Variants in BCL2L1 observed in about 807,000 individuals in gnomAD.
BCL2L1 encodes bcl-2-like protein 1.
In BCL2L1, 1 loss-of-function variant was observed where a neutral mutation model predicts 18.7. The ratio of observed to expected loss-of-function variants is 0.05; its 90% CI spans 0.02 to 0.25. The LOEUF (loss-of-function observed/expected upper bound fraction) is 0.25, where lower values mean the gene tolerates loss of function less well. Ranked by LOEUF, BCL2L1 falls within the 10% of genes least tolerant of loss-of-function variation. BCL2L1 has a pLI of 1.00. For synonymous variants in BCL2L1, 103 were observed against 122.7 expected (o/e 0.84, Z 1.06); for missense variants, 207 against 304.9 (o/e 0.68, Z 2.39).
At chr20:31,676,428 C>T (rs1420025005) in intron 2 of BCL2L1, among the ~76,000 whole-genome samples, 3 of 152,170 alleles carry the variant, frequency 2.0e-5, no homozygotes, top group African/African-American at 7.2e-5. Context: ...CAGTCTGTCT[C>T]CAGAGTCCAA....
chr20:31,721,643 C>A lies in BCL2L1; in HGVS notation c.564+12G>T. Reference sequence around the variant, plus strand: ...CCAAAGAAAAGGGACACACAAGGGGCTTGGTTCTTACCCAGCCGCCGTTCT... The same window carrying A: ...CCAAAGAAAAGGGACACACAAGGGGATTGGTTCTTACCCAGCCGCCGTTCT... On this transcript the variant is annotated intron_variant, in intron 2 of 2. Coordinates refer to ENST00000307677, the MANE Select transcript of BCL2L1 (RefSeq NM_138578.3). 6.3e-7 allele frequency: 1 copy of A among 1,587,856 alleles called. No individual in the cohort carries two copies. The highest frequency in any genetic ancestry group is 8.6e-7 in the Non-Finnish European group (1 of 1,165,644).
In BCL2L1 at chr20:31,683,769, CAAAAAAAAAAAAAAAAAAAAA is replaced by C. The variant is rs372160646; in HGVS notation, c.565-17704_565-17684del. Among the ~76,000 whole-genome samples the C allele has an allele frequency of 1.9e-4, 15 of 80,716 alleles. No homozygotes were observed. The East Asian group carries it at 9.3e-3, about 50-fold the overall frequency. The allele number at this position is 80,716 out of a possible 152,430, so 53.0% of individuals were successfully genotyped here. On this transcript the variant is annotated intron_variant, in intron 2 of 2. Transcript: ENST00000307677. ...GGGCAACAAGAGTGAAACTCCATCTCAAAAAAAAAAAAAAAAAAAAAAAAAAAAAAAAAAAAAAGAATGTGA... is the reference window on the plus strand; with the variant it reads ...GGGCAACAAGAGTGAAACTCCATCTCAAAAAAAAAAAAAAAAAGAATGTGA...
intron 2 of BCL2L1, among the ~76,000 whole-genome samples, chr20:31,701,835 G>A (rs1006117084): frequency 6.6e-6 from 1 of 152,150 alleles, no homozygotes; most frequent in African/African-American, 2.4e-5. Flanking sequence ...CTTAGGTTTT[G>A]TTCATTTGTT....
intron 2 of BCL2L1, among the ~76,000 whole-genome samples, chr20:31,689,586 T>C (rs922128959): frequency 1.3e-5 from 2 of 152,100 alleles, no homozygotes; most frequent in Non-Finnish European, 2.9e-5. Flanking sequence ...CCCCAGTCTT[T>C]CCTTACCACT....
chr20:31,693,170 A>T (rs866004604), intron 2 of BCL2L1, among the ~76,000 whole-genome samples: 1 of 150,050 alleles, frequency 6.7e-6, no homozygotes, highest in Non-Finnish European at 1.5e-5. Context: ...ACTTAAAAAA[A>T]AAAAAAAAAA....
intron 2 of BCL2L1, among the ~76,000 whole-genome samples, chr20:31,704,986 T>C (rs1388026816): frequency 6.6e-6 from 1 of 152,186 alleles, no homozygotes; most frequent in Non-Finnish European, 1.5e-5. Context: ...GAGCTCAGAA[T>C]TCAGTGGATA....
chr20:31,668,478 T>C (rs2060619685), intron 2 of BCL2L1, among the ~76,000 whole-genome samples: 1 of 151,866 alleles, frequency 6.6e-6, no homozygotes, highest in Admixed American at 6.6e-5. Flanking sequence ...AGCTAATTTT[T>C]ATATTTTTAG....
upstream of BCL2L1, chr20:31,723,579 G>C: frequency 1.0e-6 from 1 of 984,908 alleles, no homozygotes; most frequent in Non-Finnish European, 1.2e-6. Flanking sequence ...CCCTCCCCCG[G>C]GGGCGCCCCC....
At chr20:31,712,356 T>C (rs1022057930) in intron 2 of BCL2L1, among the ~76,000 whole-genome samples, 19 of 152,340 alleles carry the variant, frequency 1.2e-4, no homozygotes, top group Non-Finnish European at 2.4e-4. Context: ...TTTCCTCATG[T>C]GTGAAACAGG....
chr20:31,720,309 A>G (rs1288065746), intron 2 of BCL2L1, among the ~76,000 whole-genome samples: 1 of 152,218 alleles, frequency 6.6e-6, no homozygotes, highest in African/African-American at 2.4e-5. Context: ...GGCCCAGCCT[A>G]TAGACAGTTG....
chr20:31,690,262 T>C (rs1327409230), intron 2 of BCL2L1, among the ~76,000 whole-genome samples: 1 of 152,038 alleles, frequency 6.6e-6, no homozygotes, highest in Admixed American at 6.6e-5. Context: ...TGACTAATTT[T>C]TTTTTTTTGA....
At chr20:31,715,501 G>A (rs979832826) in intron 2 of BCL2L1, among the ~76,000 whole-genome samples, 43 of 151,862 alleles carry the variant, frequency 2.8e-4, no homozygotes, top group African/African-American at 9.7e-4. Flanking sequence ...CATTCCCTCT[G>A]CTTTAAACAC....
intron 2 of BCL2L1, among the ~76,000 whole-genome samples, chr20:31,685,857 C>A (rs1476759473): frequency 6.6e-6 from 1 of 152,194 alleles, no homozygotes; most frequent in African/African-American, 2.4e-5. Flanking sequence ...TGGCAACCCA[C>A]TTCCCCTCTG....
At chr20:31,709,343 G>A (rs867880787) in intron 2 of BCL2L1, among the ~76,000 whole-genome samples, 12 of 152,026 alleles carry the variant, frequency 7.9e-5, no homozygotes, top group Non-Finnish European at 1.3e-4. Context: ...GCGTGCACGC[G>A]TGTGTAACTA....
chr20:31,687,726 G>C (rs529012415), intron 2 of BCL2L1, among the ~76,000 whole-genome samples: 1 of 151,982 alleles, frequency 6.6e-6, no homozygotes, highest in South Asian at 2.1e-4. Context: ...CCCCGGGAGG[G>C]AGGCAGGCAG....
chr20:31,702,702 G>A (rs1402052374), intron 2 of BCL2L1, among the ~76,000 whole-genome samples: 1 of 151,182 alleles, frequency 6.6e-6, no homozygotes, highest in Admixed American at 6.6e-5. Context: ...TAGTAGAGAC[G>A]GGTTTCTCCA....
intron 2 of BCL2L1, chr20:31,713,309 G>A: frequency 1.0e-6 from 1 of 985,390 alleles, no homozygotes; most frequent in Non-Finnish European, 1.2e-6. Context: ...GCTGGAGGCA[G>A]AAGCCAGGTG....
rs368820725 is a variant in BCL2L1 at position 31,721,636 on chromosome 20, C to T, written c.564+19G>A. The stretch of plus-strand genomic sequence containing the variant: ...CCAGAGGCCAAAGAAAAGGGACACA[C>T]AAGGGGCTTGGTTCTTACCCAGCCG... On this transcript the variant is annotated intron_variant, in intron 2 of 2. Transcript: ENST00000307677. The T allele has an allele frequency of 6.3e-5, 100 of 1,576,238 alleles. No individual in the cohort carries two copies. The highest frequency in any genetic ancestry group is 7.8e-5 in the Non-Finnish European group (90 of 1,160,070).
intron 2 of BCL2L1, among the ~76,000 whole-genome samples, chr20:31,700,539 T>C (rs1396863699): frequency 6.6e-6 from 1 of 152,192 alleles, no homozygotes; most frequent in Non-Finnish European, 1.5e-5. Context: ...CCTCCACATA[T>C]GCCTAAAATT....
Sources: gnomAD v4.1 joint callset for allele counts (sites outside exome capture counted in the v4.1 genomes callset) on GRCh38, gnomAD v4.1.1 for gene constraint, MANE v1.5 for transcripts, NCBI Gene and HGNC (gene_info 2026-07-23, HGNC 2026-07-21) for gene names.